NRP1: variants seen among roughly 807,000 people sequenced by gnomAD.
The protein encoded by NRP1 is neuropilin-1.
In NRP1, 35 loss-of-function variants were observed where a neutral mutation model predicts 106.7. The observed-to-expected ratio is 0.33, with a 90% CI of 0.25 to 0.43. NRP1 has a LOEUF of 0.43. Among genes scored for constraint, NRP1 ranks in the 20% least tolerant of loss-of-function variants. The pLI, the probability that NRP1 is intolerant of heterozygous loss-of-function variation, is 1.00. For synonymous variants in NRP1, 437 were observed against 417.9 expected (o/e 1.05, Z -0.56); for missense variants, 1,024 against 1,170.4 (o/e 0.87, Z 1.83).
chr10:33,195,064 C>A (rs181516267), intron 12 of NRP1, among the ~76,000 whole-genome samples: 120 of 152,314 alleles, frequency 7.9e-4, no homozygotes, highest in Non-Finnish European at 8.1e-4. Context: ...AACAAATTTA[C>A]AGCCTCTGAG....
intron 10 of NRP1, among the ~76,000 whole-genome samples, chr10:33,203,654 A>G (rs1837520598): frequency 6.7e-6 from 1 of 149,344 alleles, no homozygotes; most frequent in Non-Finnish European, 1.5e-5. Flanking sequence ...ACTGCATTCC[A>G]CTGTTCACAG....
At chr10:33,229,270 C>A (rs1291192954) in intron 6 of NRP1, among the ~76,000 whole-genome samples, 1 of 152,164 alleles carries the variant, frequency 6.6e-6, no homozygotes, top group Admixed American at 6.6e-5. Context: ...TTTTAAGTTG[C>A]TGCAGAAACT....
intron 2 of NRP1, among the ~76,000 whole-genome samples, chr10:33,295,689 T>A (rs1359440897): frequency 6.6e-6 from 1 of 152,156 alleles, no homozygotes; most frequent in African/African-American, 2.4e-5. Context: ...GTGTGGGCAA[T>A]AAAGTGAAAC....
At chr10:33,328,009 A>AATC in intron 2 of NRP1, among the ~76,000 whole-genome samples, 1 of 152,114 alleles carries the variant, frequency 6.6e-6, no homozygotes, top group Non-Finnish European at 1.5e-5. Context: ...TGACACCTTC[A>AATC]CAGAGAGCAA....
At chr10:33,256,284 C>T (rs984089136) in intron 5 of NRP1, 32 bp downstream of exon 5, 3 of 1,609,960 alleles carry the variant, frequency 1.9e-6, no homozygotes, top group African/African-American at 2.7e-5. Context: ...GAGTATTTAC[C>T]ACAGGGCTTT....
intron 14 of NRP1, among the ~76,000 whole-genome samples, chr10:33,186,016 A>G (rs1013933903): frequency 6.6e-6 from 1 of 152,216 alleles, no homozygotes; most frequent in African/African-American, 2.4e-5. Flanking sequence ...GTTCCTTCTC[A>G]GCAAATTGGT....
intron 2 of NRP1, among the ~76,000 whole-genome samples, chr10:33,286,799 G>GC (rs939368396): frequency 7.3e-5 from 11 of 151,310 alleles, no homozygotes; most frequent in East Asian, 1.9e-4. Context: ...TTTTCTCTCC[G>GC]CCCCCCCACC....
intron 2 of NRP1, among the ~76,000 whole-genome samples, chr10:33,303,476 C>A (rs1026563129): frequency 6.6e-6 from 1 of 152,166 alleles, no homozygotes; most frequent in Non-Finnish European, 1.5e-5. Context: ...TTCTTCGCCC[C>A]TTCCTTCCAT....
Position 33,192,130 on chromosome 10 carries a change from T to G in NRP1, c.2062+151A>C, listed in dbSNP as rs562478116. 63 of 818,790 alleles carry G rather than the reference T, an allele frequency of 7.7e-5. 1 individual carries two copies. In the South Asian group the frequency reaches 1.2e-3, roughly 16 times the overall value. The allele number at this position is 818,790 out of a possible 1,614,324, so 50.7% of individuals were successfully genotyped here. ...TTCTCGCTACTAGGGAAAGAGACAT[T>G]GTTAATTCTAGAAAATAATAGCACA... On this transcript the variant is annotated intron_variant, in intron 13 of 16. Coordinates refer to ENST00000374867, the MANE Select transcript of NRP1 (RefSeq NM_003873.7).
At chr10:33,214,504 G>A (rs920736476) in intron 8 of NRP1, among the ~76,000 whole-genome samples, 10 of 152,118 alleles carry the variant, frequency 6.6e-5, no homozygotes, top group Non-Finnish European at 1.5e-4. Context: ...CAGAACTCTT[G>A]TTGCTACCTT....
At chr10:33,312,234 C>T (rs117247294) in intron 2 of NRP1, among the ~76,000 whole-genome samples, 1,638 of 152,284 alleles carry the variant, frequency 0.011, 11 homozygotes, top group Middle Eastern at 0.024. Context: ...TTATTGGTGA[C>T]AAACACATCT....
At chr10:33,293,482 A>G (rs1845149593) in intron 2 of NRP1, among the ~76,000 whole-genome samples, 1 of 152,204 alleles carries the variant, frequency 6.6e-6, no homozygotes, top group Admixed American at 6.5e-5. Context: ...CCGGAATTAC[A>G]GAGGAGAATT....
intron 2 of NRP1, among the ~76,000 whole-genome samples, chr10:33,313,905 T>C (rs1290305852): frequency 2.0e-5 from 3 of 152,160 alleles, no homozygotes; most frequent in Non-Finnish European, 4.4e-5. Context: ...GAAATGGAAA[T>C]GCAAACGTTT....
chr10:33,212,987 A>G (rs1270592680), intron 9 of NRP1: 7 of 506,364 alleles, frequency 1.4e-5, no homozygotes, highest in South Asian at 3.1e-5. Context: ...AAAAATTTAT[A>G]AAAGAAACAA....
At chr10:33,280,131 G>A (rs1234290495) in intron 2 of NRP1, among the ~76,000 whole-genome samples, 2 of 152,094 alleles carry the variant, frequency 1.3e-5, no homozygotes, top group African/African-American at 4.8e-5. Flanking sequence ...CAATGTTAAT[G>A]GAAAAATATT....
intron 2 of NRP1, among the ~76,000 whole-genome samples, chr10:33,302,493 T>C (rs11009334): frequency 0.12 from 17,671 of 152,248 alleles, 1,080 homozygotes; most frequent in Non-Finnish European, 0.14. Context: ...TTCCCCTAAA[T>C]TGCCAGCCAC....
intron 2 of NRP1, among the ~76,000 whole-genome samples, chr10:33,307,837 C>A (rs1383941987): frequency 1.1e-4 from 16 of 152,184 alleles, no homozygotes; most frequent in Non-Finnish European, 2.2e-4. Context: ...TAAAGAATTA[C>A]CATTTGACCC....
At chr10:33,217,103 C>T (rs368861874) in intron 8 of NRP1, among the ~76,000 whole-genome samples, 8 of 151,970 alleles carry the variant, frequency 5.3e-5, no homozygotes, top group East Asian at 1.9e-4. Context: ...TTTTTGGCCA[C>T]GGTGTTCATA....
chr10:33,230,050 G>T (rs1402319893), intron 6 of NRP1, among the ~76,000 whole-genome samples: 2 of 151,816 alleles, frequency 1.3e-5, no homozygotes, highest in African/African-American at 4.8e-5. Context: ...ACTAAAACCG[G>T]ATAGTACCCA....
Sources: allele counts gnomAD v4.1 joint callset (sites outside exome capture counted in the v4.1 genomes callset), GRCh38; gene constraint gnomAD v4.1.1; transcripts MANE v1.5; gene names NCBI Gene and HGNC (gene_info 2026-07-23, HGNC 2026-07-21).